The following CTNNA3 variants were observed in gnomAD, a reference collection of about 807,000 sequenced individuals.
CTNNA3 encodes catenin alpha-3.
CTNNA3 carries 76 observed loss-of-function variants against 95.7 expected under a neutral mutation model. The ratio of observed to expected loss-of-function variants is 0.79; its 90% CI spans 0.66 to 0.96. CTNNA3 has a LOEUF of 0.96. Ranked by LOEUF, CTNNA3 falls within the 40% of genes least tolerant of loss-of-function variation. The pLI is 0.00. For synonymous variants in CTNNA3, 431 were observed against 374.4 expected (o/e 1.15, Z -1.74); for missense variants, 1,191 against 1,089.8 (o/e 1.09, Z -1.31).
chr10:67,560,242 G>A (rs142214072), intron 3 of CTNNA3, among the ~76,000 whole-genome samples: 5,521 of 146,674 alleles, frequency 0.038, 197 homozygotes, highest in Non-Finnish European at 0.056. Flanking sequence ...AGAGAGAAAG[G>A]TCGGGTTACC....
At chr10:66,675,378 A>AG (rs1216079582) in intron 9 of CTNNA3, among the ~76,000 whole-genome samples, 2 of 152,072 alleles carry the variant, frequency 1.3e-5, no homozygotes, top group Non-Finnish European at 2.9e-5. Flanking sequence ...TATGAAGGGA[A>AG]GAAAAAAAAT....
chr10:66,314,006 A>G (rs1217482075), intron 12 of CTNNA3, among the ~76,000 whole-genome samples: 1 of 152,210 alleles, frequency 6.6e-6, no homozygotes, highest in African/African-American at 2.4e-5. Flanking sequence ...TCCCTGGCCC[A>G]GAAACTTTAG....
chr10:65,994,294 A>G (rs1388972252), intron 15 of CTNNA3, among the ~76,000 whole-genome samples: 1 of 152,186 alleles, frequency 6.6e-6, no homozygotes, highest in Non-Finnish European at 1.5e-5. Flanking sequence ...TTCAGATATA[A>G]GAACCCTTTA....
Position 66,448,418 on chromosome 10 carries a change from G to A in CTNNA3, c.1532-69066C>T, listed in dbSNP as rs1436375950. The stretch of plus-strand genomic sequence containing the variant: ...CACTATTCACAATAGCAAAGACTTG[G>A]AACCAACCCAAATGTCCAACAGCGA... On this transcript the variant is annotated intron_variant, in intron 11 of 17. Transcript: ENST00000433211. Among the ~76,000 whole-genome samples, 10 of 152,224 alleles carry A rather than the reference G, an allele frequency of 6.6e-5. No homozygotes were observed. In the South Asian group the frequency reaches 1.0e-3, roughly 16 times the overall value.
At chr10:67,047,578 T>C (rs1395434554) in intron 7 of CTNNA3, among the ~76,000 whole-genome samples, 1 of 152,162 alleles carries the variant, frequency 6.6e-6, no homozygotes, top group Non-Finnish European at 1.5e-5. Flanking sequence ...CTTCTACCTT[T>C]ACCTTCATCG....
rs183731201 is a variant in CTNNA3 at position 67,369,480 on chromosome 10, T to C, written c.580-149610A>G. Among the ~76,000 whole-genome samples, 213 of 152,074 alleles carry C rather than the reference T, an allele frequency of 1.4e-3. 2 individuals are homozygous for C. Among genetic ancestry groups the C allele is most frequent in the African/African-American group, 5.0e-3 (206 of 41,514 alleles). ...TGCGAGCTAACTATGACTGAGTCAA[T>C]AAAAGAAAAAAATGTATAAATCTGA... On this transcript the variant is annotated intron_variant, in intron 5 of 17. Coordinates refer to ENST00000433211, the MANE Select transcript of CTNNA3 (RefSeq NM_013266.4).
intron 5 of CTNNA3, among the ~76,000 whole-genome samples, chr10:67,432,290 T>A (rs1013615576): frequency 4.6e-5 from 7 of 152,006 alleles, no homozygotes; most frequent in Non-Finnish European, 8.8e-5. Flanking sequence ...ACATTAAAAA[T>A]TTCATATATG....
intron 13 of CTNNA3, among the ~76,000 whole-genome samples, chr10:66,275,966 C>G (rs546844660): frequency 6.6e-6 from 1 of 152,206 alleles, no homozygotes; most frequent in South Asian, 2.1e-4. Context: ...GAATCAGACC[C>G]AAAGATTGGA....
At chr10:66,900,341 C>T (rs1284333488) in intron 7 of CTNNA3, among the ~76,000 whole-genome samples, 1 of 152,122 alleles carries the variant, frequency 6.6e-6, no homozygotes, top group Non-Finnish European at 1.5e-5. Flanking sequence ...ACAAAAAGGA[C>T]ATCCCCAATA....
intron 13 of CTNNA3, among the ~76,000 whole-genome samples, chr10:66,152,504 A>C (rs1359242676): frequency 6.6e-6 from 1 of 151,936 alleles, no homozygotes; most frequent in Non-Finnish European, 1.5e-5. Context: ...TCACAATATA[A>C]AGAAAACTAA....
At chr10:66,176,645 A>G (rs2085728240) in intron 13 of CTNNA3, among the ~76,000 whole-genome samples, 1 of 152,082 alleles carries the variant, frequency 6.6e-6, no homozygotes, top group Non-Finnish European at 1.5e-5. Flanking sequence ...TTAGGTCATG[A>G]GGGATTAGTG....
At chr10:67,715,451 C>G (rs376955837) in intron 1 of CTNNA3, among the ~76,000 whole-genome samples, 5 of 151,912 alleles carry the variant, frequency 3.3e-5, no homozygotes, top group Non-Finnish European at 5.9e-5. Context: ...CCCCAGGAGA[C>G]CTTGAGAGCA....
At chr10:67,381,081 A>C (rs1285477736) in intron 5 of CTNNA3, among the ~76,000 whole-genome samples, 3 of 152,150 alleles carry the variant, frequency 2.0e-5, no homozygotes, top group Non-Finnish European at 4.4e-5. Flanking sequence ...TTTATGAAAC[A>C]ATTCCCTTCC....
rs536733547 is a variant in CTNNA3, at chr10:66,408,677, T to C, written c.1532-29325A>G. On this transcript the variant is annotated intron_variant, in intron 11 of 17. Coordinates refer to ENST00000433211, the MANE Select transcript of CTNNA3 (RefSeq NM_013266.4). ...TTCTTTCAATAATACTCTTACTCTTTAGTGAATATAGCCTTGGCAATCAAT... is the reference window on the plus strand; with the variant it reads ...TTCTTTCAATAATACTCTTACTCTTCAGTGAATATAGCCTTGGCAATCAAT... Among the ~76,000 whole-genome samples, 127 of 152,298 alleles carry C rather than the reference T, an allele frequency of 8.3e-4. 1 individual carries two copies. Among genetic ancestry groups the C allele is most frequent in the Middle Eastern group, 3.4e-3 (1 of 294 alleles).
intron 12 of CTNNA3, among the ~76,000 whole-genome samples, chr10:66,360,615 CTTTCTT>C (rs1434563317): frequency 7.2e-5 from 2 of 27,970 alleles, no homozygotes; most frequent in African/African-American, 9.2e-5. Context: ...TTCTTTCTTT[CTTTCTT>C]TCTTTCTTTC....
chr10:65,961,837 T>C (rs578052538), intron 17 of CTNNA3, among the ~76,000 whole-genome samples: 54 of 152,172 alleles, frequency 3.5e-4, no homozygotes, highest in African/African-American at 1.2e-3. Context: ...CTTCAGTTTC[T>C]CTTTATTCTT....
chr10:67,641,932 C>T (rs1025499374), intron 2 of CTNNA3, among the ~76,000 whole-genome samples: 2 of 152,202 alleles, frequency 1.3e-5, no homozygotes, highest in African/African-American at 4.8e-5. Context: ...GGGTGCAGCA[C>T]ACCAACATGG....
At chr10:66,951,092 CACA>C (rs1848514188) in intron 7 of CTNNA3, among the ~76,000 whole-genome samples, 1 of 68,142 alleles carries the variant, frequency 1.5e-5, no homozygotes, top group African/African-American at 7.4e-5. Context: ...ATTAAATACA[CACA>C]CACACACACA....
chr10:67,327,081 T>C (rs1841568678), intron 5 of CTNNA3, among the ~76,000 whole-genome samples: 1 of 152,210 alleles, frequency 6.6e-6, no homozygotes, highest in Admixed American at 6.5e-5. Flanking sequence ...TCAGGTCAAT[T>C]AGATTCTTTT....
Sources: gnomAD v4.1 joint callset for allele counts (sites outside exome capture counted in the v4.1 genomes callset) on GRCh38, gnomAD v4.1.1 for gene constraint, MANE v1.5 for transcripts, NCBI Gene and HGNC (gene_info 2026-07-23, HGNC 2026-07-21) for gene names.